The following SEZ6L2 variants were observed in gnomAD, a reference collection of about 807,000 sequenced individuals.
The protein encoded by SEZ6L2 is seizure related 6 homolog like 2, also known as seizure 6-like protein 2.
SEZ6L2 carries 44 observed loss-of-function variants against 97.0 expected under a neutral mutation model. The observed-to-expected ratio is 0.45, with a 90% confidence interval of 0.36 to 0.58. The LOEUF (loss-of-function observed/expected upper bound fraction) is 0.58. Ranked by LOEUF, SEZ6L2 falls within the 20% of genes least tolerant of loss-of-function variation. The pLI is 0.00. For missense variants in SEZ6L2, 1,086 were observed against 1,233.3 expected (o/e 0.88, Z 1.79); for synonymous variants, 543 against 546.1 (o/e 0.99, Z 0.08).
chr16:29,885,834 T>G, intron 7 of SEZ6L2, 85 bp from the exon 8 acceptor site: 1 of 1,364,692 alleles, frequency 7.3e-7, no homozygotes, highest in Non-Finnish European at 1.0e-6. Flanking sequence ...CTTATTTTTA[T>G]AGCTGTTATC....
At chr16:29,871,838 G>A in intron 17 of SEZ6L2, 110 bp from the exon 18 acceptor site, 1 of 923,464 alleles carries the variant, frequency 1.1e-6, no homozygotes, top group Non-Finnish European at 1.7e-6. Flanking sequence ...TTGACCTCTA[G>A]GGGCTGGGGG....
intron 12 of SEZ6L2, among the ~76,000 whole-genome samples, chr16:29,874,651 A>G (rs185147771): frequency 4.4e-5 from 6 of 135,462 alleles, no homozygotes; most frequent in Non-Finnish European, 9.1e-5. Context: ...GCTCACTGCA[A>G]CCTCTGCCTT....
chr16:29,897,083 C>A lies in SEZ6L2; in HGVS notation c.250G>T (p.Gly84Cys). Residue 84 changes from glycine (G) to cysteine (C), a missense_variant, in exon 3 of 18, where the codon GGC becomes TGC. By Grantham distance (159) the Gly-to-Cys change is radical (BLOSUM62 -3). This residue lies in a region of SEZ6L2 where 776 missense variants were observed against 794.7 expected (regional missense o/e 0.98). Coordinates refer to ENST00000617533, the MANE Select transcript of SEZ6L2 (RefSeq NM_001243332.2). ...AGGGAGGGCACTGCGAGAGTCTGGCCGGCCGGAGGGGTGGCTAGCGTGGGG... is the reference window on the plus strand; with the variant it reads ...AGGGAGGGCACTGCGAGAGTCTGGCAGGCCGGAGGGGTGGCTAGCGTGGGG... ...RDPTLATPPA[G>C]QTLAVPSLPR... is the part of the protein sequence containing the mutation. 6.3e-7 allele frequency: 1 copy of A among 1,581,048 alleles called. No homozygotes were observed. The highest frequency in any genetic ancestry group is 8.5e-7 in the Non-Finnish European group (1 of 1,171,224).
At chr16:29,878,199 G>C (rs1464137521) in intron 10 of SEZ6L2, 88 bp downstream of exon 10, 84 of 1,427,340 alleles carry the variant, frequency 5.9e-5, no homozygotes, top group Non-Finnish European at 7.6e-5. Flanking sequence ...GCAAGAGCCA[G>C]ACAGGCTCAG....
In SEZ6L2 at chr16:29,899,022, C is replaced by G; in HGVS notation, c.-3G>C. 1 of 1,605,342 alleles carries G rather than the reference C, an allele frequency of 6.2e-7. No individual in the cohort carries two copies. The highest frequency in any genetic ancestry group is 1.7e-5 in the Admixed American group (1 of 59,320). On this transcript the variant is annotated 5_prime_UTR_variant, in exon 1 of 18. Coordinates refer to ENST00000617533, the MANE Select transcript of SEZ6L2 (RefSeq NM_001243332.2). ...TGCTGGGCCCTGGGAGTCCCCATGG[C>G]GACTCACCCCGATCTCTCTCCTCTG... is the stretch of plus-strand genomic sequence containing the variant.
intron 2 of SEZ6L2, among the ~76,000 whole-genome samples, chr16:29,897,447 A>C (rs1872407515): frequency 6.6e-6 from 1 of 150,928 alleles, no homozygotes; most frequent in Non-Finnish European, 1.5e-5. Flanking sequence ...CCTCTGTCTC[A>C]TTCTCTCTCG....
chr16:29,895,891 G>C, intron 3 of SEZ6L2, 31 bp from the exon 4 acceptor site: 3 of 1,577,916 alleles, frequency 1.9e-6, no homozygotes, highest in Non-Finnish European at 2.6e-6. Context: ...GGGATGGAAG[G>C]AATGCCTGTG....
In SEZ6L2 at chr16:29,871,671, C is replaced by T. The variant is rs1474907634; in HGVS notation, c.*28G>A. Reference sequence around the variant, plus strand: ...CCCGAATGAGGAGGGGAGGGGCGTCCTGGGTCCTGCAGCTGTAGTCTTGGG... The same window carrying T: ...CCCGAATGAGGAGGGGAGGGGCGTCTTGGGTCCTGCAGCTGTAGTCTTGGG... On this transcript the variant is annotated 3_prime_UTR_variant, in exon 18 of 18. Coordinates refer to ENST00000617533, the MANE Select transcript of SEZ6L2 (RefSeq NM_001243332.2). 6.2e-7 allele frequency: 1 copy of T among 1,603,926 alleles called. No individual in the cohort carries two copies. Among genetic ancestry groups the T allele is most frequent in the African/African-American group, 1.3e-5 (1 of 74,812 alleles).
rs748924663 is a variant in SEZ6L2 at position 29,895,807 on chromosome 16, G to T, written c.565C>A (p.Leu189Met). Residue 189 changes from leucine (L) to methionine (M), a missense_variant, in exon 4 of 18, where the codon CTG becomes ATG. Physicochemically the swap from Leu to Met is conservative, Grantham distance 15. Coordinates refer to ENST00000617533, the MANE Select transcript of SEZ6L2 (RefSeq NM_001243332.2). ...AGGGTGCGGCTGACGGGGCTCCCCAGATCTGGAGACTCCACATACCCTTCG... is the reference window on the plus strand; with the variant it reads ...AGGGTGCGGCTGACGGGGCTCCCCATATCTGGAGACTCCACATACCCTTCG... ...EGEGYVESPD[L>M]GSPVSRTLGL... 2.0e-5 allele frequency: 32 copies of T among 1,614,016 alleles called. 1 individual carries two copies. In the South Asian group the frequency reaches 3.4e-4, roughly 17 times the overall value.
In SEZ6L2 at chr16:29,871,512, G is replaced by A. The variant is rs2067779226; in HGVS notation, c.*187C>T. ...GGCAACTGAGAAGAGGCGGCTTTGG[G>A]CGGCAGGATGCTGGTTTATTTACTG... On this transcript the variant is annotated 3_prime_UTR_variant, in exon 18 of 18. Transcript: ENST00000617533. The A allele has an allele frequency of 3.1e-6, 2 of 653,654 alleles. No homozygotes were observed. The highest frequency in any genetic ancestry group is 1.8e-5 in the African/African-American group (1 of 55,358). 40.5% of individuals were successfully genotyped at this position (653,654 alleles called of 1,614,324 possible). A position where few individuals can be genotyped will look rare whatever the true frequency, so the allele number is the denominator to read the frequency against.
rs1295631355 is a variant in SEZ6L2 at position 29,876,014 on chromosome 16, G to C, written c.2104+742C>G. 2.0e-5 allele frequency among the ~76,000 whole-genome samples: 3 copies of C among 151,946 alleles called. No homozygotes were observed. Among genetic ancestry groups the C allele is most frequent in the Non-Finnish European group, 4.4e-5 (3 of 67,994 alleles). On this transcript the variant is annotated intron_variant, in intron 12 of 17. Transcript: ENST00000617533. This position sits in a 1 kb window ranked among gnomAD's most constrained non-coding sequence, Gnocchi z 6.5. Reference sequence around the variant, plus strand: ...CCAGCCCTGAGAAAATTAGCCCACTGCTCTCCCCACAGCACTTCGCCACGC... The same window carrying C: ...CCAGCCCTGAGAAAATTAGCCCACTCCTCTCCCCACAGCACTTCGCCACGC...
In SEZ6L2 at chr16:29,872,268, G is replaced by T; in HGVS notation, c.2661C>A (p.Ser887=). The part of the protein sequence containing the change: ...YIYYTKLQGK[S]LFGFSGSHSY... ...AGTGGGAGCCCGAGAAGCCGAAAAGGGACTTTCCCTGAAGCCTGGGAAAGG... is the reference window on the plus strand; with the variant it reads ...AGTGGGAGCCCGAGAAGCCGAAAAGTGACTTTCCCTGAAGCCTGGGAAAGG... Residue 887 remains serine (S), a synonymous_variant, in exon 17 of 18, where the codon TCC becomes TCA. Coordinates refer to ENST00000617533, the MANE Select transcript of SEZ6L2 (RefSeq NM_001243332.2). 1 of 1,612,160 alleles carries T rather than the reference G, an allele frequency of 6.2e-7. No individual in the cohort carries two copies.
chr16:29,898,136 A>AGG, intron 1 of SEZ6L2, 152 bp from the exon 2 acceptor site: 1 of 1,092,738 alleles, frequency 9.2e-7, no homozygotes, highest in Admixed American at 2.7e-5. Flanking sequence ...AGATCGGAGG[A>AGG]GGGGCTCCCA....
At chr16:29,883,727 T>C (rs531287822) in intron 8 of SEZ6L2, among the ~76,000 whole-genome samples, 9 of 152,182 alleles carry the variant, frequency 5.9e-5, no homozygotes, top group African/African-American at 1.9e-4. Flanking sequence ...AGCTCAGTAG[T>C]TGGAGACCAG....
intron 5 of SEZ6L2, among the ~76,000 whole-genome samples, chr16:29,893,201 G>C (rs995047675): frequency 8.6e-5 from 13 of 151,720 alleles, no homozygotes; most frequent in Admixed American, 7.9e-4. Context: ...GGGCATGCTT[G>C]TAATCCCAGC....
chr16:29,879,382 T>G (rs1209586461), intron 9 of SEZ6L2, among the ~76,000 whole-genome samples: 2 of 151,810 alleles, frequency 1.3e-5, no homozygotes. Flanking sequence ...TGCATCACCA[T>G]GCCCAGCTAA....
chr16:29,899,202 G>T lies in SEZ6L2; in HGVS notation c.-183C>A, dbSNP rs1483306113. The T allele has an allele frequency of 6.7e-6, 4 of 594,966 alleles. No homozygotes were observed. Among genetic ancestry groups the T allele is most frequent in the African/African-American group, 1.9e-5 (1 of 51,978 alleles). 36.9% of individuals were successfully genotyped at this position (594,966 alleles called of 1,614,324 possible). On this transcript the variant is annotated 5_prime_UTR_variant, in exon 1 of 18. Transcript: ENST00000617533. Reference sequence around the variant, plus strand: ...GATGGAGGGGCAGAATTGGGCTAGGGGTCGCCTGGAGCCCACCCCCCTTTG... The same window carrying T: ...GATGGAGGGGCAGAATTGGGCTAGGTGTCGCCTGGAGCCCACCCCCCTTTG...
At chr16:29,879,816 A>AG in intron 9 of SEZ6L2, 48 bp downstream of exon 9, 2 of 1,506,156 alleles carry the variant, frequency 1.3e-6, no homozygotes, top group South Asian at 1.3e-5. Flanking sequence ...TCCCCAGTTC[A>AG]GGGGGCAACG....
rs2068404781 is a variant in SEZ6L2 at position 29,896,878 on chromosome 16, T to C, written c.455A>G (p.Glu152Gly). 1 of 1,613,890 alleles carries C rather than the reference T, an allele frequency of 6.2e-7. No individual in the cohort carries two copies. Among genetic ancestry groups the C allele is most frequent in the South Asian group, 1.1e-5 (1 of 91,064 alleles). Residue 152 changes from glutamate (E) to glycine (G), a missense_variant, in exon 3 of 18, where the codon GAG becomes GGG. Coordinates refer to ENST00000617533, the MANE Select transcript of SEZ6L2 (RefSeq NM_001243332.2). Reference protein sequence around the residue: ...PPLGPEGGEEETTTTIITTTT... With the variant: ...PPLGPEGGEEGTTTTIITTTT... ...CGTGGTGATGATGGTGGTCGTCGTC[T>C]CCTCCTCTCCTCCCTCAGGCCCAAG...
Sources: gnomAD v4.1 joint callset for allele counts (sites outside exome capture counted in the v4.1 genomes callset) on GRCh38, gnomAD v4.1.1 for gene constraint, gnomAD v4.1.1 regional missense constraint, Gnocchi (gnomAD v3.1) non-coding constraint, MANE v1.5 for transcripts, NCBI Gene and HGNC (gene_info 2026-07-23, HGNC 2026-07-21) for gene names.